ZSCAN25: variants seen among roughly 807,000 people sequenced by gnomAD.
The protein encoded by ZSCAN25 is zinc finger and SCAN domain containing 25.
In ZSCAN25, 27 loss-of-function variants were observed where a neutral mutation model predicts 38.7. That is an observed-to-expected ratio of 0.70 (90% CI 0.51 to 0.96). The LOEUF is 0.96. ZSCAN25 is among the 40% of genes least tolerant of loss of function. The probability of loss-of-function intolerance (pLI) is 0.00; values close to 1 mark genes in which losing one functional copy is unlikely to be tolerated. For missense variants in ZSCAN25, 637 were observed against 705.9 expected, an observed-to-expected ratio of 0.90 and a Z score of 1.11; for synonymous variants, 273 against 277.7, an observed-to-expected ratio of 0.98 and a Z score of 0.17.
At chr7:99,731,425 A>G in the ZSCAN25 span, among the ~76,000 whole-genome samples, 2 of 152,238 alleles carry the variant, frequency 1.3e-5, no homozygotes, top group South Asian at 4.1e-4. Context: ...AAATGTTCTC[A>G]AATGTGAATG....
At chr7:99,672,736 C>T in the ZSCAN25 span, 1 of 1,609,400 alleles carries the variant, frequency 6.2e-7, no homozygotes. Flanking sequence ...GCAGCTGGAG[C>T]CACACCCAGG....
chr7:99,641,758 T>C, the ZSCAN25 span, among the ~76,000 whole-genome samples: 5 of 152,206 alleles, frequency 3.3e-5, no homozygotes, highest in African/African-American at 1.2e-4. Context: ...CAGCAAATCC[T>C]GTTGGCCCTA....
chr7:99,672,474 T>C, the ZSCAN25 span: 1 of 964,946 alleles, frequency 1.0e-6, no homozygotes, highest in African/African-American at 1.6e-5. Context: ...CATGGAACCT[T>C]CCTGTACATT....
chr7:99,702,204 C>T, the ZSCAN25 span, among the ~76,000 whole-genome samples: 1 of 152,140 alleles, frequency 6.6e-6, no homozygotes, highest in East Asian at 1.9e-4. Context: ...ATTCTCCCAC[C>T]TCAGCCTCCT....
the ZSCAN25 span, chr7:99,708,085 A>G: frequency 6.7e-7 from 1 of 1,482,648 alleles, no homozygotes; most frequent in Non-Finnish European, 9.3e-7. Context: ...TACACAGGAT[A>G]CTTTTGTGGG....
chr7:99,720,016 CAAACAA>C, the ZSCAN25 span, among the ~76,000 whole-genome samples: 21 of 152,144 alleles, frequency 1.4e-4, no homozygotes, highest in African/African-American at 5.1e-4. Context: ...CAACAAACAA[CAAACAA>C]AAACAAAAAC....
chr7:99,731,012 C>T, the ZSCAN25 span: 1 of 1,607,808 alleles, frequency 6.2e-7, no homozygotes, highest in Non-Finnish European at 8.5e-7. Context: ...AACTAAGTTG[C>T]TCTTTGCAAT....
At chr7:99,687,649 C>T in the ZSCAN25 span, among the ~76,000 whole-genome samples, 1 of 152,158 alleles carries the variant, frequency 6.6e-6, no homozygotes, top group Non-Finnish European at 1.5e-5. Flanking sequence ...GGCCAACATT[C>T]AGATTCAGGA....
chr7:99,713,432 G>T, the ZSCAN25 span: 1 of 1,612,584 alleles, frequency 6.2e-7, no homozygotes, highest in South Asian at 1.1e-5. Flanking sequence ...CCCTCTGAGT[G>T]CCCCACCAGT....
At chr7:99,713,619 T>G in the ZSCAN25 span, 1 of 1,590,754 alleles carries the variant, frequency 6.3e-7, no homozygotes, top group Non-Finnish European at 8.6e-7. Context: ...TCAACCTCCC[T>G]TCTGAGAATA....
At chr7:99,724,584 G>T in the ZSCAN25 span, among the ~76,000 whole-genome samples, 1 of 151,536 alleles carries the variant, frequency 6.6e-6, no homozygotes, top group East Asian at 1.9e-4. Flanking sequence ...TCCTCACCAG[G>T]CCAAGCCAGG....
At chr7:99,658,595 GTTCTCTGTA>G in the ZSCAN25 span, among the ~76,000 whole-genome samples, 2 of 152,070 alleles carry the variant, frequency 1.3e-5, no homozygotes, top group South Asian at 4.1e-4. Context: ...TCTTTGTGGC[GTTCTCTGTA>G]TTTCCTGAAT....
the ZSCAN25 span, among the ~76,000 whole-genome samples, chr7:99,727,576 C>T: frequency 1.3e-5 from 2 of 152,030 alleles, no homozygotes; most frequent in Non-Finnish European, 2.9e-5. Context: ...ACTCTATTTC[C>T]CCATATTTCC....
chr7:99,638,272 G>A, the ZSCAN25 span: 51,263 of 1,598,918 alleles, frequency 0.032, 1,058 homozygotes, highest in South Asian at 0.054. Context: ...AACCATGTGA[G>A]CCCCTCACAG....
the ZSCAN25 span, chr7:99,714,659 T>C: frequency 3.1e-6 from 5 of 1,612,742 alleles, no homozygotes; most frequent in Admixed American, 6.7e-5. Context: ...GCTTCAAGAA[T>C]TGGGGTAAGG....
At chr7:99,621,317 C>G in intron 4 of ZSCAN25, 56 bp from the exon 5 acceptor site, 1 of 1,303,738 alleles carries the variant, frequency 7.7e-7, no homozygotes, top group East Asian at 2.8e-5. Flanking sequence ...GTTCAACTCC[C>G]TTCATAACAG....
At chr7:99,635,212 A>G (rs1242278559), downstream of ZSCAN25, among the ~76,000 whole-genome samples, 1 of 151,322 alleles carries the variant, frequency 6.6e-6, no homozygotes, top group African/African-American at 2.4e-5. Flanking sequence ...CTTTACTAAC[A>G]CTACAACCAT....
chr7:99,729,142 C>G, the ZSCAN25 span, among the ~76,000 whole-genome samples: 1 of 152,290 alleles, frequency 6.6e-6, no homozygotes, highest in Non-Finnish European at 1.5e-5. Context: ...TAGCTCCTCC[C>G]TATTCTTAGT....
the ZSCAN25 span, among the ~76,000 whole-genome samples, chr7:99,702,785 A>G: frequency 6.6e-6 from 1 of 152,188 alleles, no homozygotes; most frequent in Non-Finnish European, 1.5e-5. Context: ...TCTTTGAAGA[A>G]TGTAATTGGT....
Sources: gnomAD v4.1 joint callset for allele counts (sites outside exome capture counted in the v4.1 genomes callset) on GRCh38, gnomAD v4.1.1 for gene constraint, MANE v1.5 for transcripts, NCBI Gene and HGNC (gene_info 2026-07-23, HGNC 2026-07-21) for gene names.